PGAP4: variants seen among roughly 807,000 people sequenced by gnomAD.
PGAP4 encodes post-GPI attachment to proteins GalNAc transferase 4.
Under a neutral mutation model 28.2 loss-of-function variants are expected in PGAP4, and 12 were observed. The observed-to-expected ratio is 0.42, with a 90% CI of 0.27 to 0.69. The LOEUF (loss-of-function observed/expected upper bound fraction) is 0.69. PGAP4 is among the 30% of genes least tolerant of loss of function. The pLI is 0.22. For synonymous variants in PGAP4, 205 were observed against 211.8 expected (o/e 0.97, Z 0.28); for missense variants, 425 against 513.5 (o/e 0.83, Z 1.67).
At chr9:101,489,727 G>A (rs527827698), upstream of PGAP4, among the ~76,000 whole-genome samples, 3 of 152,276 alleles carry the variant, frequency 2.0e-5, no homozygotes, top group African/African-American at 7.2e-5. Context: ...TGCAATCCAT[G>A]TAGCTCAAAT....
At chr9:101,512,252 T>A (rs548211013) in intron 2 of PGAP4, among the ~76,000 whole-genome samples, 33 of 152,192 alleles carry the variant, frequency 2.2e-4, no homozygotes, top group Admixed American at 5.9e-4. Flanking sequence ...GGAAGCAAGA[T>A]AATCCTCACC....
chr9:101,498,497 ATTT>A (rs545003386), intron 2 of PGAP4, among the ~76,000 whole-genome samples: 1 of 144,494 alleles, frequency 6.9e-6, no homozygotes, highest in Admixed American at 7.0e-5. Context: ...CCCTTTAAGA[ATTT>A]TTTTTTTTTT....
At chr9:101,494,253 T>C (rs1826716663) in intron 2 of PGAP4, among the ~76,000 whole-genome samples, 1 of 151,896 alleles carries the variant, frequency 6.6e-6, no homozygotes, top group Non-Finnish European at 1.5e-5. Flanking sequence ...ATATTTTGTT[T>C]ATAAAGAGAG....
rs71356369 is a variant in PGAP4, at chr9:101,523,619, C to CTTTTTTTTTTTTTT, written c.-165+7715_-165+7728dup. Among the ~76,000 whole-genome samples the CTTTTTTTTTTTTTT allele has an allele frequency of 4.9e-3, 291 of 59,306 alleles. 25 individuals are homozygous for CTTTTTTTTTTTTTT. Among genetic ancestry groups the CTTTTTTTTTTTTTT allele is most frequent in the Non-Finnish European group, 5.7e-3 (184 of 32,448 alleles). The allele number at this position is 59,306 out of a possible 152,430, so 38.9% of individuals were successfully genotyped here. ...ACATTTCTCCCCTCACTTCTTGTATCTTTTTTTTTTTTTTTTTTTTTTTTT... is the reference window on the plus strand; with the variant it reads ...ACATTTCTCCCCTCACTTCTTGTATCTTTTTTTTTTTTTTTTTTTTTTTTTTTTTTTTTTTTTTT... On this transcript the variant is annotated intron_variant, in intron 2 of 3. Transcript: ENST00000374851.
intron 2 of PGAP4, among the ~76,000 whole-genome samples, chr9:101,516,829 T>C (rs1047639041): frequency 6.6e-5 from 10 of 152,152 alleles, no homozygotes; most frequent in Non-Finnish European, 1.2e-4. Context: ...AAACATCACA[T>C]GAGGTTGGTT....
At chr9:101,511,327 G>A (rs1170529932) in intron 2 of PGAP4, among the ~76,000 whole-genome samples, 1 of 152,162 alleles carries the variant, frequency 6.6e-6, no homozygotes, top group African/African-American at 2.4e-5. Context: ...GTAGCAGGGA[G>A]CATGCTTTAT....
At chr9:101,512,641 C>T (rs1826907371) in intron 2 of PGAP4, among the ~76,000 whole-genome samples, 1 of 152,184 alleles carries the variant, frequency 6.6e-6, no homozygotes, top group Admixed American at 6.5e-5. Flanking sequence ...TCATGATATG[C>T]TTTTATCAAA....
intron 2 of PGAP4, among the ~76,000 whole-genome samples, chr9:101,508,712 T>G (rs1335919629): frequency 1.3e-5 from 2 of 152,166 alleles, no homozygotes; most frequent in African/African-American, 4.8e-5. Context: ...ATTGTGCACT[T>G]TATTTCTATT....
At position 101,486,718 on chromosome 9, in the gene PGAP4, C is replaced by A. The variant is rs191929185; in HGVS notation, c.-78+231G>T. ...CCTGGGGACCCCTGCGGGGTCCTCGCAATCCTCCGGCAGGAAGCGGTCGGA... is the reference window on the plus strand; with the variant it reads ...CCTGGGGACCCCTGCGGGGTCCTCGAAATCCTCCGGCAGGAAGCGGTCGGA... On this transcript the variant is annotated intron_variant, in intron 1 of 1. Transcript: ENST00000374848. This position sits in a 1 kb window ranked among gnomAD's most constrained non-coding sequence, Gnocchi z 4.7. Among the ~76,000 whole-genome samples, 28 of 152,246 alleles carry A rather than the reference C, an allele frequency of 1.8e-4. No individual in the cohort carries two copies. In the East Asian group the frequency reaches 5.5e-3, roughly 30 times the overall value.
chr9:101,480,174 A>T (rs1306342849), intron 1 of PGAP4, among the ~76,000 whole-genome samples: 1 of 152,054 alleles, frequency 6.6e-6, no homozygotes, highest in Admixed American at 6.6e-5. Flanking sequence ...CCGGCCCCCA[A>T]CCCCAATCAT....
chr9:101,485,168 C>T (rs1347922663), intron 1 of PGAP4, among the ~76,000 whole-genome samples: 1 of 151,944 alleles, frequency 6.6e-6, no homozygotes, highest in Non-Finnish European at 1.5e-5. Context: ...CATTGTGGTG[C>T]CAGGGCCATG....
chr9:101,499,875 T>C (rs1013632750), intron 2 of PGAP4, among the ~76,000 whole-genome samples: 7 of 152,068 alleles, frequency 4.6e-5, no homozygotes, highest in African/African-American at 1.7e-4. Context: ...TTCCTTTATC[T>C]CTAACTACCT....
intron 1 of PGAP4, among the ~76,000 whole-genome samples, chr9:101,480,937 G>A (rs1216938133): frequency 2.6e-5 from 4 of 152,162 alleles, no homozygotes; most frequent in Non-Finnish European, 5.9e-5. Context: ...AGCACTTTAG[G>A]AGGCTGAGGC....
upstream of PGAP4, among the ~76,000 whole-genome samples, chr9:101,488,467 C>T (rs569246621): frequency 1.3e-5 from 2 of 152,160 alleles, no homozygotes; most frequent in Admixed American, 1.3e-4. Flanking sequence ...CTCCTCTGTG[C>T]CTCAATGTTC....
At chr9:101,482,126 A>G (rs1217018973) in intron 1 of PGAP4, among the ~76,000 whole-genome samples, 3 of 152,198 alleles carry the variant, frequency 2.0e-5, no homozygotes, top group Non-Finnish European at 4.4e-5. Flanking sequence ...CTCTGAGCCT[A>G]TTTTATTTCT....
At chr9:101,518,552 T>A (rs1826959994) in intron 2 of PGAP4, among the ~76,000 whole-genome samples, 1 of 152,210 alleles carries the variant, frequency 6.6e-6, no homozygotes, top group Non-Finnish European at 1.5e-5. Context: ...TCTCATACAA[T>A]ATTCTCATAC....
intron 2 of PGAP4, among the ~76,000 whole-genome samples, chr9:101,514,680 AGAG>A (rs1206244849): frequency 6.6e-6 from 1 of 152,126 alleles, no homozygotes; most frequent in Non-Finnish European, 1.5e-5. Context: ...AGAGGAGAAC[AGAG>A]GAGTTGGGTT....
At chr9:101,501,619 C>T (rs920854306) in intron 2 of PGAP4, 3 of 472,590 alleles carry the variant, frequency 6.3e-6, no homozygotes, top group African/African-American at 2.0e-5. Context: ...CATTCTAAAG[C>T]AGCTTTATAG....
chr9:101,492,728 C>A (rs1826702088), intron 2 of PGAP4, among the ~76,000 whole-genome samples: 1 of 152,070 alleles, frequency 6.6e-6, no homozygotes, highest in Admixed American at 6.5e-5. Context: ...ATTTTTTAGA[C>A]TGTCCCCCTA....
Sources: gnomAD v4.1 joint callset for allele counts (sites outside exome capture counted in the v4.1 genomes callset) on GRCh38, gnomAD v4.1.1 for gene constraint, Gnocchi (gnomAD v3.1) non-coding constraint, MANE v1.5 for transcripts, NCBI Gene and HGNC (gene_info 2026-07-23, HGNC 2026-07-21) for gene names.